The following SERINC5 variants were observed in gnomAD, a reference collection of about 807,000 sequenced individuals.
SERINC5 encodes serine incorporator 5.
Under a neutral mutation model 63.1 loss-of-function variants are expected in SERINC5, and 41 were observed. The observed-to-expected ratio is 0.65, with a 90% CI of 0.51 to 0.84. The LOEUF is 0.84. Among genes scored for constraint, SERINC5 ranks in the 40% least tolerant of loss-of-function variants. SERINC5 has a pLI of 0.00. For missense variants in SERINC5, 523 were observed against 573.0 expected (o/e 0.91, Z 0.89); for synonymous variants, 222 against 215.2 (o/e 1.03, Z -0.28).
chr5:80,206,150 A>G (rs887418587), intron 1 of SERINC5, among the ~76,000 whole-genome samples: 11 of 152,070 alleles, frequency 7.2e-5, no homozygotes, highest in African/African-American at 2.4e-4. Context: ...ATTACAATAA[A>G]ATCTGTATGT....
intron 1 of SERINC5, among the ~76,000 whole-genome samples, chr5:80,226,904 A>T (rs1751194147): frequency 6.6e-6 from 1 of 152,100 alleles, no homozygotes; most frequent in South Asian, 2.1e-4. Flanking sequence ...AATATGCCCT[A>T]CTTTTTTTGA....
rs1343070239 is a variant in SERINC5 at position 80,247,353 on chromosome 5, G to GAAAT, written c.27+8542_27+8543insATTT. On this transcript the variant is annotated intron_variant, in intron 1 of 11. Coordinates refer to ENST00000507668, the MANE Select transcript of SERINC5 (RefSeq NM_001174072.3). ...ACTCAGTATCTGTGGGAAATCTACA[G>GAAAT]CCTCTATACAGAAAACGAGGGCGGA... is the stretch of plus-strand genomic sequence containing the variant. Among the ~76,000 whole-genome samples the GAAAT allele has an allele frequency of 3.8e-4, 58 of 152,262 alleles. 1 individual carries two copies. In the South Asian group the frequency reaches 0.012, roughly 31 times the overall value.
rs758768582 is a variant in SERINC5 at position 80,255,929 on chromosome 5, G to A, written c.-7C>T. 2.6e-6 allele frequency: 4 copies of A among 1,553,574 alleles called. No individual in the cohort carries two copies. Among genetic ancestry groups the A allele is most frequent in the Non-Finnish European group, 2.6e-6 (3 of 1,158,562 alleles). ...CACAGCACTGAGCTGACATCGCGGC[G>A]GCCAATGCCGAAGGCGCGCTCGCTG... On this transcript the variant is annotated 5_prime_UTR_variant, in exon 1 of 12. Transcript: ENST00000507668.
intron 1 of SERINC5, among the ~76,000 whole-genome samples, chr5:80,230,292 G>A (rs918761473): frequency 6.6e-6 from 1 of 151,958 alleles, no homozygotes; most frequent in Non-Finnish European, 1.5e-5. Flanking sequence ...CCAACATGGT[G>A]AAACCCTGAC....
chr5:80,160,956 A>ATG (rs375703320), intron 7 of SERINC5, among the ~76,000 whole-genome samples: 9,621 of 125,668 alleles, frequency 0.077, 404 homozygotes, highest in East Asian at 0.13. Context: ...GTATATATAT[A>ATG]TGTGTGTGTA....
chr5:80,254,092 T>C (rs1747038227), intron 1 of SERINC5, among the ~76,000 whole-genome samples: 1 of 152,146 alleles, frequency 6.6e-6, no homozygotes, highest in Non-Finnish European at 1.5e-5. Context: ...CACCCGGCAA[T>C]TTTGTGTTTT....
At chr5:80,152,899 G>A (rs953830410) in intron 8 of SERINC5, among the ~76,000 whole-genome samples, 5 of 152,260 alleles carry the variant, frequency 3.3e-5, no homozygotes, top group Middle Eastern at 6.8e-3. Flanking sequence ...CTGAGATCAC[G>A]CTACTGTACT....
chr5:80,209,573 A>G lies in SERINC5; in HGVS notation c.28-6520T>C, dbSNP rs62364030. On this transcript the variant is annotated intron_variant, in intron 1 of 11. Transcript: ENST00000507668. ...ACGCCCTGCTATTTCATATCTATGTACATACACATATGTGTAGATACAAGA... is the reference window on the plus strand; with the variant it reads ...ACGCCCTGCTATTTCATATCTATGTGCATACACATATGTGTAGATACAAGA... Among the ~76,000 whole-genome samples the G allele has an allele frequency of 6.3e-3, 954 of 152,308 alleles. 3 individuals carry two copies. Among genetic ancestry groups the G allele is most frequent in the Non-Finnish European group, 9.4e-3 (641 of 68,028 alleles).
At chr5:80,221,412 G>A (rs193240585) in intron 1 of SERINC5, among the ~76,000 whole-genome samples, 61 of 152,192 alleles carry the variant, frequency 4.0e-4, no homozygotes, top group Admixed American at 7.8e-4. Context: ...GATCACACAC[G>A]ACTTCAATAT....
intron 1 of SERINC5, among the ~76,000 whole-genome samples, chr5:80,251,367 C>T (rs1415518518): frequency 1.3e-5 from 2 of 151,844 alleles, no homozygotes; most frequent in South Asian, 4.1e-4. Context: ...TCTTGGTGAT[C>T]TAGAAATAGG....
At position 80,200,688 on chromosome 5, in the gene SERINC5, A is replaced by C. The variant is rs115927504; in HGVS notation, c.195+2198T>G. ...TATCCAAGACCATACAACCAGAATT[A>C]TAAAAGCACTATGCAACAGAAAGCT... is the stretch of plus-strand genomic sequence containing the variant. On this transcript the variant is annotated intron_variant, in intron 2 of 11. Coordinates refer to ENST00000507668, the MANE Select transcript of SERINC5 (RefSeq NM_001174072.3). Among the ~76,000 whole-genome samples, 864 of 152,348 alleles carry C rather than the reference A, an allele frequency of 5.7e-3. 8 individuals are homozygous for C. The highest frequency in any genetic ancestry group is 0.02 in the African/African-American group (833 of 41,574).
intron 7 of SERINC5, among the ~76,000 whole-genome samples, chr5:80,160,928 GTGTGTGTATATATA>G (rs942066263): frequency 6.8e-6 from 1 of 147,592 alleles, no homozygotes; most frequent in Admixed American, 6.9e-5. Context: ...ATATGTGTGT[GTGTGTGTATATATA>G]TGTGTATATA....
chr5:80,160,586 G>A (rs1260467264), intron 7 of SERINC5, among the ~76,000 whole-genome samples: 1 of 151,976 alleles, frequency 6.6e-6, no homozygotes, highest in African/African-American at 2.4e-5. Context: ...AAATTTATGG[G>A]GTACAAGTGT....
intron 7 of SERINC5, 22 bp from the exon 8 acceptor site, chr5:80,158,984 C>A (rs757586810): frequency 4.3e-6 from 7 of 1,612,496 alleles, no homozygotes; most frequent in South Asian, 2.2e-5. Context: ...AAAACAAAGT[C>A]ATCACAGTCA....
intron 11 of SERINC5, among the ~76,000 whole-genome samples, chr5:80,125,141 T>G (rs1024376339): frequency 6.6e-6 from 1 of 152,216 alleles, no homozygotes; most frequent in African/African-American, 2.4e-5. Flanking sequence ...ATTCATTCAT[T>G]CATATAGCAA....
At chr5:80,135,960 G>A (rs1334064639), downstream of SERINC5, among the ~76,000 whole-genome samples, 3 of 152,172 alleles carry the variant, frequency 2.0e-5, no homozygotes, top group East Asian at 1.9e-4. Flanking sequence ...GGGAAGTGGG[G>A]AACAGGGAGT....
intron 8 of SERINC5, chr5:80,157,107 C>G (rs1746589872): frequency 6.6e-6 from 1 of 151,390 alleles, no homozygotes; most frequent in African/African-American, 2.4e-5. Context: ...ATTCTCCAGC[C>G]TCAGCCTCCG....
chr5:80,194,572 C>T (rs1749389108), intron 2 of SERINC5, among the ~76,000 whole-genome samples: 1 of 152,206 alleles, frequency 6.6e-6, no homozygotes, highest in South Asian at 2.1e-4. Context: ...GTGGCTACCT[C>T]TGTTTTCTAC....
In SERINC5 at chr5:80,148,189, C is replaced by CTTTTTTTT. The variant is rs796769914; in HGVS notation, c.1054-913_1054-906dup. Among the ~76,000 whole-genome samples the CTTTTTTTT allele has an allele frequency of 4.7e-4, 48 of 102,330 alleles. 3 individuals carry two copies. Among genetic ancestry groups the CTTTTTTTT allele is most frequent in the African/African-American group, 1.4e-3 (37 of 26,058 alleles). 67.1% of individuals were successfully genotyped at this position (102,330 alleles called of 152,430 possible). A position where few individuals can be genotyped will look rare whatever the true frequency, so the allele number is the denominator to read the frequency against. ...TCTGGTACCTTGCGTATTTTTTATTCTTTTTTTTTTTTTTTTTTGAGATGG... is the reference window on the plus strand; with the variant it reads ...TCTGGTACCTTGCGTATTTTTTATTCTTTTTTTTTTTTTTTTTTTTTTTTTTGAGATGG... On this transcript the variant is annotated intron_variant, in intron 9 of 11. Coordinates refer to ENST00000507668, the MANE Select transcript of SERINC5 (RefSeq NM_001174072.3).
Sources: gnomAD v4.1 joint callset for allele counts (sites outside exome capture counted in the v4.1 genomes callset) on GRCh38, gnomAD v4.1.1 for gene constraint, MANE v1.5 for transcripts, NCBI Gene and HGNC (gene_info 2026-07-23, HGNC 2026-07-21) for gene names.